The following PLCL2 variants were observed in gnomAD, a reference collection of about 807,000 sequenced individuals.
The protein encoded by PLCL2 is inactive phospholipase C-like protein 2.
Under a neutral mutation model 79.6 loss-of-function variants are expected in PLCL2, and 4 were observed. The ratio of observed to expected loss-of-function variants is 0.05; its 90% CI spans 0.02 to 0.11. PLCL2 has a LOEUF of 0.11. Ranked by LOEUF, PLCL2 falls within the 10% of genes least tolerant of loss-of-function variation. PLCL2 has a pLI of 1.00. For missense variants in PLCL2, 895 were observed against 1,291.0 expected (o/e 0.69, Z 4.70); for synonymous variants, 484 against 457.7 (o/e 1.06, Z -0.73).
intron 4 of PLCL2, among the ~76,000 whole-genome samples, chr3:17,064,799 C>T (rs991462508): frequency 6.6e-5 from 10 of 151,688 alleles, no homozygotes; most frequent in African/African-American, 1.2e-4. Flanking sequence ...TGTGGTGGCA[C>T]GTGCCTGTAA....
chr3:16,943,740 T>C (rs1264303618), intron 1 of PLCL2, among the ~76,000 whole-genome samples: 2 of 152,242 alleles, frequency 1.3e-5, no homozygotes, highest in Admixed American at 1.3e-4. Context: ...ATCATTGTTT[T>C]AAGGGTTGCA....
chr3:16,956,173 A>G (rs1419885680), intron 1 of PLCL2, among the ~76,000 whole-genome samples: 43 of 151,546 alleles, frequency 2.8e-4, no homozygotes, highest in African/African-American at 9.5e-4. Context: ...GTTTGTCATA[A>G]ATAGCTCTTA....
At chr3:16,941,606 C>T (rs546951528) in intron 1 of PLCL2, among the ~76,000 whole-genome samples, 6 of 152,302 alleles carry the variant, frequency 3.9e-5, no homozygotes, top group South Asian at 4.1e-4. Flanking sequence ...GATGTTGACT[C>T]TGCCTGGAAT....
chr3:16,952,854 C>T (rs1478993467), intron 1 of PLCL2, among the ~76,000 whole-genome samples: 3 of 151,876 alleles, frequency 2.0e-5, no homozygotes, highest in African/African-American at 4.8e-5. Context: ...GTATATAATG[C>T]AAAATTGCAA....
chr3:16,980,696 C>T (rs187058174), intron 1 of PLCL2, among the ~76,000 whole-genome samples: 13 of 151,646 alleles, frequency 8.6e-5, no homozygotes, highest in African/African-American at 2.4e-4. Context: ...AGACGATGGG[C>T]GGCCAGGCGG....
chr3:17,059,020 C>T (rs1271798327), intron 4 of PLCL2, among the ~76,000 whole-genome samples: 2 of 152,088 alleles, frequency 1.3e-5, no homozygotes, highest in African/African-American at 4.8e-5. Context: ...TTCAGAATTT[C>T]AAATTCTATA....
chr3:17,054,121 T>G (rs2064870516), intron 4 of PLCL2, among the ~76,000 whole-genome samples: 1 of 152,170 alleles, frequency 6.6e-6, no homozygotes, highest in South Asian at 2.1e-4. Context: ...GGCTACATCT[T>G]GAACACTTTG....
At chr3:17,087,119 T>A (rs1268797447) in intron 5 of PLCL2, among the ~76,000 whole-genome samples, 2 of 152,196 alleles carry the variant, frequency 1.3e-5, no homozygotes, top group Non-Finnish European at 1.5e-5. Context: ...GAACTAAACA[T>A]ACTCTTACCA....
chr3:17,013,305 A>G (rs2064347961), intron 2 of PLCL2, among the ~76,000 whole-genome samples: 1 of 152,206 alleles, frequency 6.6e-6, no homozygotes, highest in Non-Finnish European at 1.5e-5. Context: ...GTCGGTAGTG[A>G]TACTGAATGA....
chr3:17,014,152 G>T (rs903631362), intron 2 of PLCL2, among the ~76,000 whole-genome samples: 9 of 152,156 alleles, frequency 5.9e-5, no homozygotes, highest in African/African-American at 2.2e-4. Context: ...AATAGGGGAA[G>T]GTCACAGGTA....
intron 3 of PLCL2, among the ~76,000 whole-genome samples, chr3:17,032,545 C>A (rs779018760): frequency 6.6e-6 from 1 of 151,632 alleles, no homozygotes; most frequent in Non-Finnish European, 1.5e-5. Context: ...TGCTGTTTTT[C>A]CTTATCTTTG....
At chr3:17,059,204 C>T (rs562404281) in intron 4 of PLCL2, among the ~76,000 whole-genome samples, 2 of 151,902 alleles carry the variant, frequency 1.3e-5, no homozygotes, top group South Asian at 4.2e-4. Flanking sequence ...GAACATTATG[C>T]CACTGTATAA....
chr3:16,997,456 T>C (rs914914739), intron 1 of PLCL2, among the ~76,000 whole-genome samples: 5 of 152,142 alleles, frequency 3.3e-5, no homozygotes, highest in African/African-American at 4.8e-5. Flanking sequence ...TTCCCTTTTA[T>C]GTAATTCATT....
At chr3:16,966,826 G>A (rs963484601) in intron 1 of PLCL2, among the ~76,000 whole-genome samples, 1 of 151,920 alleles carries the variant, frequency 6.6e-6, no homozygotes, top group African/African-American at 2.4e-5. Flanking sequence ...TTTATTTTAA[G>A]TTCAGAGGTC....
At chr3:16,935,870 G>C (rs1027827830) in intron 1 of PLCL2, among the ~76,000 whole-genome samples, 1 of 152,208 alleles carries the variant, frequency 6.6e-6, no homozygotes, top group Non-Finnish European at 1.5e-5. Flanking sequence ...GCATGAGAAA[G>C]TTCAGGATCC....
intron 5 of PLCL2, among the ~76,000 whole-genome samples, chr3:17,073,671 A>T (rs2065082983): frequency 6.6e-6 from 1 of 152,212 alleles, no homozygotes; most frequent in Non-Finnish European, 1.5e-5. Flanking sequence ...TTCCTTTATC[A>T]ATTAAGTGTA....
intron 1 of PLCL2, among the ~76,000 whole-genome samples, chr3:16,951,595 T>A (rs2063652835): frequency 6.6e-6 from 1 of 152,110 alleles, no homozygotes; most frequent in Admixed American, 6.6e-5. Flanking sequence ...TGAATTGAAA[T>A]TTTTGGCGAC....
intron 1 of PLCL2, among the ~76,000 whole-genome samples, chr3:16,964,589 C>A (rs1403797638): frequency 1.3e-5 from 2 of 152,162 alleles, no homozygotes; most frequent in African/African-American, 4.8e-5. Flanking sequence ...CTTGAGGAAT[C>A]CCCACACTGT....
intron 1 of PLCL2, among the ~76,000 whole-genome samples, chr3:16,911,582 C>T (rs1696883498): frequency 6.6e-6 from 1 of 152,084 alleles, no homozygotes; most frequent in Non-Finnish European, 1.5e-5. Flanking sequence ...GCCTCCTTTC[C>T]CAATTAGCTA....
Sources: allele counts gnomAD v4.1 joint callset (sites outside exome capture counted in the v4.1 genomes callset), GRCh38; gene constraint gnomAD v4.1.1; transcripts MANE v1.5; gene names NCBI Gene and HGNC (gene_info 2026-07-23, HGNC 2026-07-21).